The following RBPJ variants were observed in gnomAD, a reference collection of about 807,000 sequenced individuals.
The protein encoded by RBPJ is recombining binding protein suppressor of hairless.
RBPJ carries 9 observed loss-of-function variants against 67.8 expected under a neutral mutation model. That is an observed-to-expected ratio of 0.13 (90% confidence interval 0.08 to 0.23). The LOEUF is 0.23. Ranked by LOEUF, RBPJ falls within the 10% of genes least tolerant of loss-of-function variation. The probability of loss-of-function intolerance (pLI) is 1.00; values close to 1 mark genes in which losing one functional copy is unlikely to be tolerated. For missense variants in RBPJ, 305 were observed against 595.6 expected (o/e 0.51, Z 5.08); for synonymous variants, 198 against 203.3 (o/e 0.97, Z 0.22).
chr4:26,109,103 C>CTTTTTTTTTTTTTTTTTT, the RBPJ span, among the ~76,000 whole-genome samples: 1 of 130,042 alleles, frequency 7.7e-6, no homozygotes, highest in Non-Finnish European at 1.6e-5. Flanking sequence ...TTGCCTTCCT[C>CTTTTTTTTTTTTTTTTTT]TTTTTTTTTT....
chr4:26,138,975 G>A, the RBPJ span, among the ~76,000 whole-genome samples: 1 of 152,230 alleles, frequency 6.6e-6, no homozygotes, highest in African/African-American at 2.4e-5. Context: ...AGAGGGAGGT[G>A]GGCCAATGGA....
chr4:26,153,123 A>T, the RBPJ span, among the ~76,000 whole-genome samples: 9 of 152,238 alleles, frequency 5.9e-5, no homozygotes, highest in South Asian at 1.9e-3. Context: ...TGCATGAAAC[A>T]AAGTTTGTGT....
At chr4:26,410,119 T>A in intron 3 of RBPJ, 1 of 442,594 alleles carries the variant, frequency 2.3e-6, no homozygotes, top group South Asian at 1.6e-5. Context: ...CAGAGAAGTG[T>A]TCTGGGCTCT....
At chr4:26,256,865 G>A (rs899191635) in intron 1 of RBPJ, among the ~76,000 whole-genome samples, 39 of 152,160 alleles carry the variant, frequency 2.6e-4, no homozygotes, top group Non-Finnish European at 4.4e-5. Context: ...ATGACCAGGC[G>A]AAGGTCACAT....
chr4:26,346,704 A>G (rs1322875881), intron 1 of RBPJ, among the ~76,000 whole-genome samples: 1 of 152,126 alleles, frequency 6.6e-6, no homozygotes, highest in Non-Finnish European at 1.5e-5. Context: ...AACAGGCTGT[A>G]TTGGCCGGGC....
intron 1 of RBPJ, among the ~76,000 whole-genome samples, chr4:26,241,786 A>G (rs1034061683): frequency 6.6e-6 from 1 of 152,156 alleles, no homozygotes; most frequent in African/African-American, 2.4e-5. Flanking sequence ...TGCTGGGATT[A>G]CAGGTGTGAG....
intron 1 of RBPJ, among the ~76,000 whole-genome samples, chr4:26,251,373 C>T (rs1206180123): frequency 6.6e-6 from 1 of 152,088 alleles, no homozygotes; most frequent in Non-Finnish European, 1.5e-5. Context: ...CAGTGGCTCA[C>T]ACCTGTAATC....
chr4:26,361,302 A>T (rs760804596), intron 1 of RBPJ, among the ~76,000 whole-genome samples: 2 of 152,164 alleles, frequency 1.3e-5, no homozygotes, highest in Non-Finnish European at 2.9e-5. Flanking sequence ...CTTTCTGAAG[A>T]GTGACCTACA....
chr4:26,361,457 C>G (rs1728052859), intron 1 of RBPJ, among the ~76,000 whole-genome samples: 1 of 152,096 alleles, frequency 6.6e-6, no homozygotes, highest in Admixed American at 6.5e-5. Context: ...TTAGCACTTA[C>G]TTTTTAGCCC....
upstream of RBPJ, among the ~76,000 whole-genome samples, chr4:26,315,987 C>A (rs1281666398): frequency 6.6e-6 from 1 of 151,964 alleles, no homozygotes; most frequent in African/African-American, 2.4e-5. Context: ...CGTTGTTATT[C>A]CGTTCTTTTT....
In RBPJ at chr4:26,431,120, G is replaced by T. The variant is rs1207326496; in HGVS notation, c.*113G>T. On this transcript the variant is annotated 3_prime_UTR_variant, in exon 11 of 11. Transcript: ENST00000355476. The stretch of plus-strand genomic sequence containing the variant: ...TTCTTGGGAAAACTTTTCATACCAG[G>T]TGATACTATTCAAAAACCCCGTTGT... 15 of 743,402 alleles carry T rather than the reference G, an allele frequency of 2.0e-5. No homozygotes were observed. The African/African-American group carries it at 2.9e-4, about 14-fold the overall frequency. The allele number at this position is 743,402 out of a possible 1,614,324, so 46.1% of individuals were successfully genotyped here.
chr4:26,391,582 GTTGT>G (rs1466118260), intron 2 of RBPJ, among the ~76,000 whole-genome samples: 2 of 152,078 alleles, frequency 1.3e-5, no homozygotes, highest in Non-Finnish European at 2.9e-5. Context: ...AGGAGAAAAT[GTTGT>G]TTATTAGGCT....
chr4:26,270,459 A>AG, intron 1 of RBPJ, among the ~76,000 whole-genome samples: 1 of 146,860 alleles, frequency 6.8e-6, no homozygotes, highest in Non-Finnish European at 1.5e-5. Flanking sequence ...AAAGAAAGAA[A>AG]AGAAAAGGAA....
upstream of RBPJ, among the ~76,000 whole-genome samples, chr4:26,161,172 C>T (rs1716069600): frequency 6.6e-6 from 1 of 152,212 alleles, no homozygotes. Context: ...CCACAGGTTG[C>T]TGCCACCAGT....
At chr4:26,209,632 T>TCC (rs1718302601) in intron 1 of RBPJ, among the ~76,000 whole-genome samples, 1 of 17,176 alleles carries the variant, frequency 5.8e-5, no homozygotes, top group African/African-American at 1.9e-4. Flanking sequence ...CTTCCCTCTC[T>TCC]CCCTCCCTTC....
upstream of RBPJ, chr4:26,320,449 C>T (rs1400606293): frequency 2.6e-5 from 10 of 378,826 alleles, no homozygotes; most frequent in Non-Finnish European, 4.8e-5. Context: ...CCCCAGACAT[C>T]TCTGGCGCTC....
At chr4:26,109,425 C>CCT in the RBPJ span, among the ~76,000 whole-genome samples, 101 of 22,870 alleles carry the variant, frequency 4.4e-3, 1 homozygote, top group Non-Finnish European at 5.4e-3. Context: ...TCTCTCTCTC[C>CCT]CTCTCTCTCT....
At chr4:26,266,444 G>A (rs1211324009) in intron 1 of RBPJ, among the ~76,000 whole-genome samples, 5 of 152,154 alleles carry the variant, frequency 3.3e-5, no homozygotes, top group Non-Finnish European at 7.4e-5. Flanking sequence ...AAATAGGATT[G>A]CACAAAGGGT....
chr4:26,229,582 G>C (rs1014422356), intron 1 of RBPJ, among the ~76,000 whole-genome samples: 1 of 152,094 alleles, frequency 6.6e-6, no homozygotes, highest in African/African-American at 2.4e-5. Flanking sequence ...TCACTGAGAG[G>C]CAGAATAAAG....
Sources: allele counts gnomAD v4.1 joint callset (sites outside exome capture counted in the v4.1 genomes callset), GRCh38; gene constraint gnomAD v4.1.1; transcripts MANE v1.5; gene names NCBI Gene and HGNC (gene_info 2026-07-23, HGNC 2026-07-21).